TBC1D5: variants seen among roughly 807,000 people sequenced by gnomAD.
TBC1D5 encodes the protein TBC1 domain family, member 5.
TBC1D5 carries 75 observed loss-of-function variants against 100.3 expected under a neutral mutation model. The observed-to-expected ratio is 0.75, with a 90% CI of 0.62 to 0.91. The LOEUF is 0.91. Among genes scored for constraint, TBC1D5 ranks in the 40% least tolerant of loss-of-function variants. TBC1D5 has a pLI of 0.00. For synonymous variants in TBC1D5, 323 were observed against 325.6 expected (o/e 0.99, Z 0.09); for missense variants, 910 against 942.4 (o/e 0.97, Z 0.45).
At chr3:17,436,477 T>C (rs902328693) in intron 3 of TBC1D5, among the ~76,000 whole-genome samples, 3 of 152,184 alleles carry the variant, frequency 2.0e-5, no homozygotes, top group East Asian at 1.9e-4. Flanking sequence ...AATAATTGAA[T>C]ATTGTGGCTT....
intron 2 of TBC1D5, among the ~76,000 whole-genome samples, chr3:17,591,977 A>C (rs374094134): frequency 7.2e-5 from 11 of 152,316 alleles, no homozygotes; most frequent in Admixed American, 1.3e-4. Context: ...AGATTATCGT[A>C]AGCTTAACCA....
At chr3:17,209,058 G>C (rs1190690126) in intron 18 of TBC1D5, among the ~76,000 whole-genome samples, 2 of 152,074 alleles carry the variant, frequency 1.3e-5, no homozygotes, top group Non-Finnish European at 2.9e-5. Context: ...CCCACAACCC[G>C]ACCCTCCACT....
intron 13 of TBC1D5, among the ~76,000 whole-genome samples, chr3:17,352,282 T>C (rs1301604244): frequency 6.6e-6 from 1 of 152,114 alleles, no homozygotes; most frequent in Non-Finnish European, 1.5e-5. Context: ...AGTCTTTAAA[T>C]GCATTTTTTA....
intron 16 of TBC1D5, among the ~76,000 whole-genome samples, chr3:17,250,543 G>C (rs1574954289): frequency 6.6e-6 from 1 of 152,154 alleles, no homozygotes; most frequent in African/African-American, 2.4e-5. Context: ...TGTTCACTGG[G>C]CTCCAGCCAT....
chr3:17,288,151 C>A (rs984611462), intron 15 of TBC1D5, among the ~76,000 whole-genome samples: 1 of 152,126 alleles, frequency 6.6e-6, no homozygotes. Flanking sequence ...TACCATCTTT[C>A]CCTCTTTTTT....
chr3:17,391,835 A>C (rs1384859219), intron 8 of TBC1D5, among the ~76,000 whole-genome samples: 5 of 152,150 alleles, frequency 3.3e-5, no homozygotes, highest in Admixed American at 3.3e-4. Context: ...TAGAAAATGA[A>C]TCTAATAAAC....
At chr3:17,381,153 A>G (rs1283265130) in intron 9 of TBC1D5, among the ~76,000 whole-genome samples, 4 of 152,090 alleles carry the variant, frequency 2.6e-5, no homozygotes, top group Non-Finnish European at 4.4e-5. Flanking sequence ...ATTTTTGTCT[A>G]AATGGATCAA....
intron 3 of TBC1D5, among the ~76,000 whole-genome samples, chr3:17,450,264 A>T (rs1248489058): frequency 2.0e-5 from 3 of 152,244 alleles, no homozygotes; most frequent in African/African-American, 7.2e-5. Flanking sequence ...AGATAAATCC[A>T]CGAAGATAAG....
intron 13 of TBC1D5, among the ~76,000 whole-genome samples, chr3:17,343,056 G>A (rs1045523089): frequency 6.6e-6 from 1 of 152,056 alleles, no homozygotes; most frequent in East Asian, 1.9e-4. Flanking sequence ...GTTTTCAAAG[G>A]GAATGCTTCC....
chr3:17,704,462 C>T (rs1320848417), intron 1 of TBC1D5, among the ~76,000 whole-genome samples: 1 of 146,218 alleles, frequency 6.8e-6, no homozygotes, highest in Non-Finnish European at 1.5e-5. Flanking sequence ...GGGTGGTGGC[C>T]GGGCAGAGGG....
At chr3:17,700,912 G>A (rs1286192752) in intron 1 of TBC1D5, among the ~76,000 whole-genome samples, 1 of 152,168 alleles carries the variant, frequency 6.6e-6, no homozygotes, top group African/African-American at 2.4e-5. Context: ...CATTGTGGAA[G>A]ACAGTGTGGT....
intron 17 of TBC1D5, among the ~76,000 whole-genome samples, chr3:17,220,097 C>CA (rs2074111199): frequency 1.3e-5 from 2 of 152,222 alleles, no homozygotes; most frequent in South Asian, 4.1e-4. Context: ...CTGTTCCAAA[C>CA]AAAAACATCA....
chr3:17,726,591 T>G (rs1408328950), intron 1 of TBC1D5, among the ~76,000 whole-genome samples: 4 of 152,270 alleles, frequency 2.6e-5, no homozygotes, highest in Non-Finnish European at 2.9e-5. Flanking sequence ...TTGCTTAAGT[T>G]CCTTATTGAT....
intron 13 of TBC1D5, among the ~76,000 whole-genome samples, chr3:17,330,290 G>A (rs1161289885): frequency 2.0e-5 from 3 of 152,036 alleles, no homozygotes; most frequent in Non-Finnish European, 4.4e-5. Context: ...AAACCTGCAG[G>A]AGGCTAACTG....
chr3:17,425,789 A>G (rs2094321655), intron 4 of TBC1D5, among the ~76,000 whole-genome samples: 1 of 152,106 alleles, frequency 6.6e-6, no homozygotes. Context: ...AGAAGGGTAC[A>G]TGTGTCTGAT....
At chr3:17,328,792 T>C (rs532338382) in intron 13 of TBC1D5, among the ~76,000 whole-genome samples, 1 of 152,306 alleles carries the variant, frequency 6.6e-6, no homozygotes, top group East Asian at 1.9e-4. Flanking sequence ...AATTGTGAAA[T>C]TCTTTATGGA....
intron 3 of TBC1D5, among the ~76,000 whole-genome samples, chr3:17,461,219 G>A (rs78173787): frequency 6.6e-6 from 1 of 152,172 alleles, no homozygotes; most frequent in African/African-American, 2.4e-5. Context: ...TGCAAGCACA[G>A]TTTAACATTT....
Position 17,480,958 on chromosome 3 carries a change from C to CATGG in TBC1D5, c.97+27515_97+27516insCCAT, listed in dbSNP as rs2095494685. 3.3e-5 allele frequency among the ~76,000 whole-genome samples: 5 copies of CATGG among 152,328 alleles called. 1 individual carries two copies. The South Asian group carries it at 1.0e-3, about 32-fold the overall frequency. On this transcript the variant is annotated intron_variant, in intron 3 of 21. Coordinates refer to ENST00000253692, the Ensembl canonical transcript of TBC1D5. Reference sequence around the variant, plus strand: ...GAGCTATAACACAAATGGCTTGAAACATGCTCCCCCACTGCTCACCACATT... The same window carrying CATGG: ...GAGCTATAACACAAATGGCTTGAAACATGGATGCTCCCCCACTGCTCACCACATT...
chr3:17,170,835 T>C lies in TBC1D5; in HGVS notation c.1853-3007A>G, dbSNP rs563267496. ...ATCTTGGCAGGGAGAAGAGACAGAG[T>C]AGAGAAACTAAGTGTGGGCATTTGC... On this transcript the variant is annotated intron_variant, in intron 19 of 21. Transcript: ENST00000253692. 3.9e-5 allele frequency among the ~76,000 whole-genome samples: 6 copies of C among 151,970 alleles called. No individual in the cohort carries two copies. The South Asian group carries it at 1.2e-3, about 32-fold the overall frequency.
Sources: allele counts gnomAD v4.1 joint callset (sites outside exome capture counted in the v4.1 genomes callset), GRCh38; gene constraint gnomAD v4.1.1; transcripts MANE v1.5; gene names NCBI Gene and HGNC (gene_info 2026-07-23, HGNC 2026-07-21).